The following B3GAT2 variants were observed in gnomAD, a reference collection of about 807,000 sequenced individuals.
B3GAT2 encodes the protein beta-1,3-glucuronyltransferase 2.
A neutral mutation model predicts 27.8 loss-of-function variants in B3GAT2; 26 were observed. The ratio of observed to expected loss-of-function variants is 0.93; its 90% confidence interval spans 0.68 to 1.30. The LOEUF (loss-of-function observed/expected upper bound fraction) is 1.30. Ranked by LOEUF, B3GAT2 falls within the 50% of genes most tolerant of loss-of-function variation. The pLI is 0.00. For synonymous variants in B3GAT2, 218 were observed against 195.1 expected (o/e 1.12, Z -0.98); for missense variants, 458 against 459.0 (o/e 1.00, Z 0.02).
intron 2 of B3GAT2, among the ~76,000 whole-genome samples, chr6:70,865,475 T>C (rs1313475261): frequency 6.6e-6 from 1 of 152,178 alleles, no homozygotes; most frequent in East Asian, 1.9e-4. Context: ...GGCATTTGCA[T>C]TGTATTAGGT....
At chr6:70,863,228 T>TG (rs915019522) in intron 2 of B3GAT2, among the ~76,000 whole-genome samples, 1 of 152,164 alleles carries the variant, frequency 6.6e-6, no homozygotes, top group African/African-American at 2.4e-5. Context: ...CTACATTAAA[T>TG]GAGTTGATTT....
chr6:70,884,693 T>A (rs1356140715), intron 2 of B3GAT2, among the ~76,000 whole-genome samples: 1 of 151,752 alleles, frequency 6.6e-6, no homozygotes, highest in Non-Finnish European at 1.5e-5. Context: ...TCTGGAAGAG[T>A]AACTGGAAAT....
chr6:70,928,794 C>T (rs1773008249), intron 1 of B3GAT2, among the ~76,000 whole-genome samples: 1 of 152,138 alleles, frequency 6.6e-6, no homozygotes, highest in Non-Finnish European at 1.5e-5. Context: ...AGAAATAAAA[C>T]AGTGTGGTGA....
intron 2 of B3GAT2, among the ~76,000 whole-genome samples, chr6:70,867,612 T>C (rs553441051): frequency 3.9e-5 from 6 of 152,244 alleles, no homozygotes; most frequent in African/African-American, 1.4e-4. Context: ...GGCTCACTCA[T>C]GAAGAAATAG....
chr6:70,915,803 TA>T (rs1377427319), intron 1 of B3GAT2, among the ~76,000 whole-genome samples: 6 of 152,206 alleles, frequency 3.9e-5, no homozygotes, highest in African/African-American at 1.4e-4. Flanking sequence ...TTGGTTACTG[TA>T]GCCTTGTAGT....
intron 2 of B3GAT2, among the ~76,000 whole-genome samples, chr6:70,871,655 G>T (rs1248449585): frequency 6.6e-6 from 1 of 151,572 alleles, no homozygotes; most frequent in Non-Finnish European, 1.5e-5. Flanking sequence ...TTCCCAATTT[G>T]TTGGTTTTTA....
chr6:70,892,596 G>C (rs914282418), intron 2 of B3GAT2, among the ~76,000 whole-genome samples: 2 of 152,194 alleles, frequency 1.3e-5, no homozygotes, highest in African/African-American at 4.8e-5. Context: ...GCTCTTACTT[G>C]AGAGTTCCAA....
chr6:70,929,396 AG>A (rs1773021976), intron 1 of B3GAT2, among the ~76,000 whole-genome samples: 1 of 152,220 alleles, frequency 6.6e-6, no homozygotes, highest in Admixed American at 6.5e-5. Flanking sequence ...TCACGAAAAC[AG>A]GAAGTCAAAT....
At chr6:70,938,120 G>C (rs1274733328) in intron 1 of B3GAT2, among the ~76,000 whole-genome samples, 1 of 150,630 alleles carries the variant, frequency 6.6e-6, no homozygotes, top group Non-Finnish European at 1.5e-5. Flanking sequence ...CAGACAAACA[G>C]AGAGCCAAAT....
chr6:70,859,176 A>C lies in B3GAT2; in HGVS notation c.*2487T>G. 1.8e-6 allele frequency: 1 copy of C among 543,754 alleles called. No individual in the cohort carries two copies. The highest frequency in any genetic ancestry group is 3.2e-6 in the Non-Finnish European group (1 of 307,830). The allele number at this position is 543,754 out of a possible 1,614,324, so 33.7% of individuals were successfully genotyped here. A position where few individuals can be genotyped will look rare whatever the true frequency, so the allele number is the denominator to read the frequency against. On this transcript the variant is annotated 3_prime_UTR_variant, in exon 4 of 4. Transcript: ENST00000230053. Reference sequence around the variant, plus strand: ...TAATTTTGCTACCACCATTTACAAGAATATAGGTAAAACATTGGTCTCTAC... The same window carrying C: ...TAATTTTGCTACCACCATTTACAAGCATATAGGTAAAACATTGGTCTCTAC...
At chr6:70,952,328 T>G (rs1338636245) in intron 1 of B3GAT2, among the ~76,000 whole-genome samples, 2 of 151,264 alleles carry the variant, frequency 1.3e-5, no homozygotes, top group African/African-American at 4.9e-5. Context: ...TTTCTAAAGT[T>G]TTTTTTTTTC....
chr6:70,893,849 AC>A (rs1348845821), intron 2 of B3GAT2, among the ~76,000 whole-genome samples: 3 of 152,122 alleles, frequency 2.0e-5, no homozygotes, highest in Admixed American at 2.0e-4. Flanking sequence ...CCAGTGGCCA[AC>A]CCAGTAGCTG....
At chr6:70,865,573 T>TA (rs1431216474) in intron 2 of B3GAT2, among the ~76,000 whole-genome samples, 2 of 152,106 alleles carry the variant, frequency 1.3e-5, no homozygotes, top group Non-Finnish European at 2.9e-5. Context: ...CGTCCATGGA[T>TA]TTTGGTATGA....
chr6:70,856,855 T>C lies in B3GAT2; in HGVS notation c.*4808A>G. ...TTGATAGCTTATTTTGGTGTTTGTC[T>C]CAGGGGACACCCTCTGCACCAGCAG... On this transcript the variant is annotated 3_prime_UTR_variant, in exon 4 of 4. Coordinates refer to ENST00000230053, the MANE Select transcript of B3GAT2 (RefSeq NM_080742.3). The C allele has an allele frequency of 1.2e-6, 2 of 1,601,282 alleles. No individual in the cohort carries two copies. Among genetic ancestry groups the C allele is most frequent in the Non-Finnish European group, 1.7e-6 (2 of 1,173,502 alleles).
At chr6:70,910,800 T>C (rs1442464813) in intron 1 of B3GAT2, among the ~76,000 whole-genome samples, 2 of 152,212 alleles carry the variant, frequency 1.3e-5, no homozygotes, top group Non-Finnish European at 2.9e-5. Flanking sequence ...CAGCAGCGTA[T>C]AGGCATTCCC....
At chr6:70,934,323 C>T (rs925849745) in intron 1 of B3GAT2, among the ~76,000 whole-genome samples, 10 of 152,100 alleles carry the variant, frequency 6.6e-5, no homozygotes, top group African/African-American at 2.4e-4. Context: ...TGGATAGGGG[C>T]AGGTTCTCCA....
At chr6:70,918,189 C>G (rs1180962365) in intron 1 of B3GAT2, among the ~76,000 whole-genome samples, 4 of 152,084 alleles carry the variant, frequency 2.6e-5, no homozygotes, top group African/African-American at 9.7e-5. Flanking sequence ...ATCTTTGTTG[C>G]TTTAAAGTCT....
intron 1 of B3GAT2, among the ~76,000 whole-genome samples, chr6:70,909,522 G>A (rs974411358): frequency 6.6e-6 from 1 of 152,194 alleles, no homozygotes; most frequent in African/African-American, 2.4e-5. Context: ...AACTCTGGAT[G>A]TATTACTTAC....
intron 1 of B3GAT2, among the ~76,000 whole-genome samples, chr6:70,937,837 G>A (rs1325925131): frequency 6.6e-6 from 1 of 151,978 alleles, no homozygotes; most frequent in Non-Finnish European, 1.5e-5. Flanking sequence ...CTTTGAAAAC[G>A]GGCACAAGAC....
Sources: allele counts gnomAD v4.1 joint callset (sites outside exome capture counted in the v4.1 genomes callset), GRCh38; gene constraint gnomAD v4.1.1; transcripts MANE v1.5; gene names NCBI Gene and HGNC (gene_info 2026-07-23, HGNC 2026-07-21).